Variants in UNC13C observed in about 807,000 individuals in gnomAD.
The protein encoded by UNC13C is protein unc-13 homolog C.
In UNC13C, 174 loss-of-function variants were observed where a neutral mutation model predicts 245.4. The ratio of observed to expected loss-of-function variants is 0.71; its 90% CI spans 0.63 to 0.80. The LOEUF is 0.80. Among genes scored for constraint, UNC13C ranks in the 30% least tolerant of loss-of-function variants. The probability of loss-of-function intolerance (pLI) is 0.00; values close to 1 mark genes in which losing one functional copy is unlikely to be tolerated. For synonymous variants in UNC13C, 992 were observed against 895.1 expected, an observed-to-expected ratio of 1.11 and a Z score of -1.93; for missense variants, 2,829 against 2,602.9, an observed-to-expected ratio of 1.09 and a Z score of -1.89.
chr15:54,572,140 G>T (rs770145664), intron 30 of UNC13C, among the ~76,000 whole-genome samples: 2 of 151,936 alleles, frequency 1.3e-5, no homozygotes, highest in Non-Finnish European at 2.9e-5. Flanking sequence ...AAAAAGCAGG[G>T]TGCCAGATCC....
intron 2 of UNC13C, among the ~76,000 whole-genome samples, chr15:54,115,077 T>C (rs1014206009): frequency 2.6e-5 from 4 of 152,132 alleles, no homozygotes; most frequent in Non-Finnish European, 5.9e-5. Context: ...TCTGGAAATA[T>C]ATACTGTTCT....
intron 26 of UNC13C, among the ~76,000 whole-genome samples, chr15:54,546,183 G>A (rs901237268): frequency 6.6e-6 from 1 of 152,154 alleles, no homozygotes; most frequent in Admixed American, 6.5e-5. Context: ...CATGGATGAA[G>A]CTGGAAACCA....
chr15:53,958,281 G>A, the UNC13C span, among the ~76,000 whole-genome samples: 13 of 152,214 alleles, frequency 8.5e-5, no homozygotes, highest in South Asian at 4.1e-4. Context: ...CCCTTCTCCC[G>A]AAAACCATTC....
intron 12 of UNC13C, among the ~76,000 whole-genome samples, chr15:54,298,601 A>T (rs1238677741): frequency 6.6e-6 from 1 of 152,150 alleles, no homozygotes; most frequent in Admixed American, 6.5e-5. Context: ...GTTGGCTTGG[A>T]GAGAGGTAAA....
the UNC13C span, among the ~76,000 whole-genome samples, chr15:53,965,831 C>G: frequency 6.6e-6 from 1 of 151,976 alleles, no homozygotes; most frequent in African/African-American, 2.4e-5. Flanking sequence ...GTTTTCTGTT[C>G]TTGTGATAGT....
At chr15:54,569,351 A>G (rs1180792544) in intron 30 of UNC13C, among the ~76,000 whole-genome samples, 1 of 152,156 alleles carries the variant, frequency 6.6e-6, no homozygotes. Flanking sequence ...CATATAACAT[A>G]TGCACATCCT....
chr15:53,855,409 C>T, the UNC13C span, among the ~76,000 whole-genome samples: 44,432 of 151,984 alleles, frequency 0.29, 7,126 homozygotes, highest in Non-Finnish European at 0.35. Flanking sequence ...TTTGCCCATT[C>T]GCTATGATAT....
rs1901277939 is a variant in UNC13C at position 54,627,763 on chromosome 15, ACTTTGTTCTCT to A, written c.*651_*661del. 6.6e-6 allele frequency: 1 copy of A among 152,578 alleles called. No homozygotes were observed. The highest frequency in any genetic ancestry group is 6.6e-5 in the Admixed American group (1 of 15,256). 9.5% of individuals were successfully genotyped at this position (152,578 alleles called of 1,614,324 possible). A position where few individuals can be genotyped will look rare whatever the true frequency, so the allele number is the denominator to read the frequency against. On this transcript the variant is annotated 3_prime_UTR_variant, in exon 33 of 33. Coordinates refer to ENST00000260323, the MANE Select transcript of UNC13C (RefSeq NM_001080534.3). ...ACAATGTTTGATATATATTGACAAA[ACTTTGTTCTCT>A]AAAACTGCCAAGATCACATCACATT... is the stretch of plus-strand genomic sequence containing the variant.
At position 54,393,191 on chromosome 15, in the gene UNC13C, A is replaced by G. The variant is rs370573945; in HGVS notation, c.4847+10A>G. 749 of 1,538,736 alleles carry G rather than the reference A, an allele frequency of 4.9e-4. No individual in the cohort carries two copies. Among genetic ancestry groups the G allele is most frequent in the Non-Finnish European group, 6.2e-4 (709 of 1,144,966 alleles). On this transcript the variant is annotated intron_variant, in intron 18 of 32. Transcript: ENST00000260323. ...CACCTGTCCTGAATCAGTAAGTACA[A>G]TGTTTTGGAAATGAATGGATTTTAT...
intron 2 of UNC13C, among the ~76,000 whole-genome samples, chr15:54,113,223 AAGG>A (rs1296313976): frequency 7.9e-5 from 12 of 152,282 alleles, no homozygotes; most frequent in African/African-American, 2.9e-4. Flanking sequence ...AGATAGAGAA[AAGG>A]AGGGAGGGAA....
intron 4 of UNC13C, among the ~76,000 whole-genome samples, chr15:54,203,554 T>G (rs1172195378): frequency 6.8e-6 from 1 of 147,084 alleles, no homozygotes; most frequent in African/African-American, 2.5e-5. Context: ...CTATATATAT[T>G]TTATGACTGA....
At chr15:54,596,680 T>C (rs1899100576) in intron 30 of UNC13C, among the ~76,000 whole-genome samples, 1 of 152,180 alleles carries the variant, frequency 6.6e-6, no homozygotes, top group African/African-American at 2.4e-5. Context: ...TGGGAGGTGT[T>C]TGGGTTATGG....
intron 4 of UNC13C, among the ~76,000 whole-genome samples, chr15:54,178,757 C>T (rs967137155): frequency 8.9e-4 from 135 of 152,204 alleles, no homozygotes; most frequent in African/African-American, 3.1e-3. Context: ...TTCTGTTTGC[C>T]CCCTCACCTA....
chr15:54,505,341 A>G (rs1013271930), intron 22 of UNC13C, among the ~76,000 whole-genome samples: 1 of 152,160 alleles, frequency 6.6e-6, no homozygotes, highest in African/African-American at 2.4e-5. Flanking sequence ...ATTCGTTAAG[A>G]TAGTGGTTCT....
intron 30 of UNC13C, among the ~76,000 whole-genome samples, chr15:54,606,313 A>C (rs1243040230): frequency 6.6e-6 from 1 of 152,244 alleles, no homozygotes; most frequent in Non-Finnish European, 1.5e-5. Context: ...AAAGCTTTGC[A>C]AGATTTCACA....
At chr15:54,419,785 T>G (rs2040599080) in intron 19 of UNC13C, among the ~76,000 whole-genome samples, 1 of 152,098 alleles carries the variant, frequency 6.6e-6, no homozygotes, top group Non-Finnish European at 1.5e-5. Flanking sequence ...TTTCTCACAT[T>G]TTTTTGTTTC....
intron 28 of UNC13C, 35 bp from the exon 29 acceptor site, chr15:54,555,397 G>T: frequency 6.3e-7 from 1 of 1,582,978 alleles, no homozygotes; most frequent in Non-Finnish European, 8.7e-7. Context: ...ACATGAACTG[G>T]TTGTTTTATA....
At chr15:54,464,865 G>A (rs573371770) in intron 19 of UNC13C, among the ~76,000 whole-genome samples, 3 of 151,632 alleles carry the variant, frequency 2.0e-5, no homozygotes, top group East Asian at 3.9e-4. Context: ...GTATTCAAAG[G>A]TATTCATGGA....
At chr15:54,247,469 C>A (rs1043974669) in intron 7 of UNC13C, among the ~76,000 whole-genome samples, 1 of 152,090 alleles carries the variant, frequency 6.6e-6, no homozygotes, top group Non-Finnish European at 1.5e-5. Context: ...ATTTCATGTT[C>A]CTAAACTATC....
Sources: gnomAD v4.1 joint callset for allele counts (sites outside exome capture counted in the v4.1 genomes callset) on GRCh38, gnomAD v4.1.1 for gene constraint, MANE v1.5 for transcripts, NCBI Gene and HGNC (gene_info 2026-07-23, HGNC 2026-07-21) for gene names.